Variants in MNAT1 observed in about 807,000 individuals in gnomAD.
The protein encoded by MNAT1 is CDK-activating kinase assembly factor MAT1.
A neutral mutation model predicts 42.0 loss-of-function variants in MNAT1; 43 were observed. The ratio of observed to expected loss-of-function variants is 1.02; its 90% CI spans 0.80 to 1.32. MNAT1 has a LOEUF of 1.32. Among genes scored for constraint, MNAT1 ranks in the 40% most tolerant of loss-of-function variants. The pLI, the probability that MNAT1 is intolerant of heterozygous loss-of-function variation, is 0.00. For missense variants in MNAT1, 306 were observed against 350.4 expected, an observed-to-expected ratio of 0.87 and a Z score of 1.01; for synonymous variants, 118 against 120.0, an observed-to-expected ratio of 0.98 and a Z score of 0.11.
chr14:60,748,524 C>T (rs1408899605), intron 1 of MNAT1, among the ~76,000 whole-genome samples: 4 of 152,300 alleles, frequency 2.6e-5, no homozygotes, highest in Middle Eastern at 3.4e-3. Flanking sequence ...AGCCACTACA[C>T]GTGGCCCTAT....
chr14:60,880,842 G>A (rs1594828276), intron 7 of MNAT1, among the ~76,000 whole-genome samples: 1 of 152,226 alleles, frequency 6.6e-6, no homozygotes, highest in East Asian at 1.9e-4. Context: ...CCAACAGGAT[G>A]TAAAACAACC....
At chr14:60,968,178 C>A in intron 7 of MNAT1, 51 bp from the exon 8 acceptor site, 1 of 1,344,706 alleles carries the variant, frequency 7.4e-7, no homozygotes, top group Non-Finnish European at 1.0e-6. Context: ...AAAATGTTAC[C>A]TATTTATATT....
At chr14:60,891,456 G>T (rs1005320204) in intron 7 of MNAT1, among the ~76,000 whole-genome samples, 2 of 145,556 alleles carry the variant, frequency 1.4e-5, no homozygotes, top group East Asian at 2.0e-4. Flanking sequence ...TGTTTTGTTT[G>T]TTTTTTTTTT....
chr14:60,953,620 TA>T (rs769658918), intron 7 of MNAT1, among the ~76,000 whole-genome samples: 6 of 152,192 alleles, frequency 3.9e-5, no homozygotes, highest in Non-Finnish European at 8.8e-5. Context: ...ATGCTTTACA[TA>T]AATTTTCATG....
At chr14:60,823,232 C>T (rs931256820) in intron 6 of MNAT1, among the ~76,000 whole-genome samples, 1 of 152,188 alleles carries the variant, frequency 6.6e-6, no homozygotes, top group Non-Finnish European at 1.5e-5. Flanking sequence ...AAACTCACTA[C>T]TTGGAGTACT....
At chr14:60,837,428 G>T (rs1473176778) in intron 6 of MNAT1, among the ~76,000 whole-genome samples, 2 of 152,156 alleles carry the variant, frequency 1.3e-5, no homozygotes, top group Non-Finnish European at 2.9e-5. Flanking sequence ...GGAGGGCACC[G>T]TTCCTCACGG....
intron 1 of MNAT1, among the ~76,000 whole-genome samples, chr14:60,774,034 A>C (rs1403378245): frequency 1.3e-5 from 2 of 152,220 alleles, no homozygotes; most frequent in Non-Finnish European, 2.9e-5. Flanking sequence ...GCTATGAGAG[A>C]AAATAACAGG....
intron 1 of MNAT1, among the ~76,000 whole-genome samples, chr14:60,750,529 CTTTTTTTTTT>C (rs775053270): frequency 1.2e-4 from 11 of 90,678 alleles, no homozygotes; most frequent in East Asian, 3.0e-4. Flanking sequence ...TGCGCCCAGC[CTTTTTTTTTT>C]TTTTTTTTTT....
At chr14:60,931,438 T>C (rs990646546) in intron 7 of MNAT1, among the ~76,000 whole-genome samples, 1 of 152,182 alleles carries the variant, frequency 6.6e-6, no homozygotes, top group African/African-American at 2.4e-5. Flanking sequence ...ACTGCATTTA[T>C]TCTGCTGCCA....
Position 60,968,420 on chromosome 14 carries a change from T to C in MNAT1, c.*71T>C. On this transcript the variant is annotated 3_prime_UTR_variant, in exon 8 of 8. Transcript: ENST00000261245. ...AAAGTAAAGCAGACTTATAAAATTA[T>C]AGCTATGTGCAGCTGCACAACACAG... 1.3e-6 allele frequency: 2 copies of C among 1,565,878 alleles called. No individual in the cohort carries two copies. Among genetic ancestry groups the C allele is most frequent in the Non-Finnish European group, 1.7e-6 (2 of 1,158,392 alleles).
intron 5 of MNAT1, 109 bp downstream of exon 5, chr14:60,812,236 G>C (rs1212225368): frequency 1.8e-6 from 2 of 1,084,518 alleles, no homozygotes; most frequent in Non-Finnish European, 2.5e-6. Flanking sequence ...TTTGTAATCT[G>C]GTTCACCTTT....
At chr14:60,780,008 A>C in intron 1 of MNAT1, 1 of 1,565,136 alleles carries the variant, frequency 6.4e-7, no homozygotes, top group Non-Finnish European at 8.8e-7. Context: ...GGAGCAGGGA[A>C]TCACCCTGCG....
intron 6 of MNAT1, among the ~76,000 whole-genome samples, chr14:60,821,942 A>C (rs2032901731): frequency 6.6e-6 from 1 of 152,214 alleles, no homozygotes; most frequent in Non-Finnish European, 1.5e-5. Flanking sequence ...AATTTGATGC[A>C]ATGTACAGCC....
chr14:60,795,090 C>A (rs1045117345), intron 1 of MNAT1, among the ~76,000 whole-genome samples: 2 of 152,140 alleles, frequency 1.3e-5, no homozygotes, highest in African/African-American at 4.8e-5. Context: ...GGTCCTAACA[C>A]ATATGGAATT....
intron 1 of MNAT1, among the ~76,000 whole-genome samples, chr14:60,785,894 T>C (rs181420416): frequency 6.6e-6 from 1 of 152,250 alleles, no homozygotes; most frequent in East Asian, 1.9e-4. Flanking sequence ...TTTTATTCTA[T>C]TTAAAAGGTC....
At chr14:60,780,246 A>G (rs2031408984) in intron 1 of MNAT1, 1 of 1,439,264 alleles carries the variant, frequency 6.9e-7, no homozygotes, top group Non-Finnish European at 9.8e-7. Context: ...GTTATCTCAA[A>G]TATTGAAAGT....
At chr14:60,757,772 C>T (rs745429681) in intron 1 of MNAT1, among the ~76,000 whole-genome samples, 10 of 152,062 alleles carry the variant, frequency 6.6e-5, no homozygotes, top group Non-Finnish European at 1.0e-4. Context: ...CATGCATTTC[C>T]GTGCTTTTAG....
At chr14:60,949,175 T>C (rs1421899451) in intron 7 of MNAT1, among the ~76,000 whole-genome samples, 1 of 152,184 alleles carries the variant, frequency 6.6e-6, no homozygotes, top group Non-Finnish European at 1.5e-5. Context: ...ATGAGTCCAA[T>C]TAGGAACAAA....
intron 5 of MNAT1, among the ~76,000 whole-genome samples, chr14:60,812,869 C>G (rs180727222): frequency 1.3e-5 from 2 of 152,168 alleles, no homozygotes; most frequent in Non-Finnish European, 2.9e-5. Flanking sequence ...AAAATTATCA[C>G]CTTCGCCATC....
Sources: allele counts gnomAD v4.1 joint callset (sites outside exome capture counted in the v4.1 genomes callset), GRCh38; gene constraint gnomAD v4.1.1; transcripts MANE v1.5; gene names NCBI Gene and HGNC (gene_info 2026-07-23, HGNC 2026-07-21).